Variants in CPM observed in about 807,000 individuals in gnomAD.
CPM encodes renal carboxypeptidase.
In CPM, 35 loss-of-function variants were observed where a neutral mutation model predicts 46.4. The ratio of observed to expected loss-of-function variants is 0.75; its 90% confidence interval spans 0.58 to 1.00. The LOEUF (loss-of-function observed/expected upper bound fraction) is 1.00. Ranked by LOEUF, CPM falls within the 50% of genes least tolerant of loss-of-function variation. CPM has a pLI of 0.00. For missense variants in CPM, 422 were observed against 530.4 expected (o/e 0.80, Z 2.01); for synonymous variants, 195 against 195.3 (o/e 1.00, Z 0.01).
rs769863979 is a variant in CPM, at chr12:68,869,278, C to T, written c.787+47G>A. 36 of 1,577,274 alleles carry T rather than the reference C, an allele frequency of 2.3e-5. 1 individual carries two copies. In the South Asian group the frequency reaches 4.0e-4, roughly 18 times the overall value. ...GATCAAAATAAACCAGCTGGCACTT[C>T]TGGGTGAAGGCAATAAGGAGAATGG... On this transcript the variant is annotated intron_variant, in intron 6 of 8. Coordinates refer to ENST00000551568, the MANE Select transcript of CPM (RefSeq NM_198320.5).
At chr12:68,902,018 C>A (rs1199621929) in intron 2 of CPM, among the ~76,000 whole-genome samples, 1 of 152,144 alleles carries the variant, frequency 6.6e-6, no homozygotes. Context: ...CAGGACCAAA[C>A]CTTTGTTGCT....
In CPM at chr12:68,844,691, C is replaced by A. The variant is rs752515895; in HGVS notation, c.534-2362G>T. ...TGGCTTTAAAGCAGGAGCTTGTGGGCCCCTAAGCCAGACGGGGACTAGCTT... is the reference window on the plus strand; with the variant it reads ...TGGCTTTAAAGCAGGAGCTTGTGGGACCCTAAGCCAGACGGGGACTAGCTT... On this transcript the variant is annotated intron_variant, in intron 5 of 5. Transcript: ENST00000551897. 20 of 222,566 alleles carry A rather than the reference C, an allele frequency of 9.0e-5. No homozygotes were observed. In the Middle Eastern group the frequency reaches 4.1e-3, roughly 46 times the overall value. 13.8% of individuals were successfully genotyped at this position (222,566 alleles called of 1,614,324 possible).
At chr12:68,910,758 A>G (rs1887562081) in intron 2 of CPM, among the ~76,000 whole-genome samples, 1 of 152,168 alleles carries the variant, frequency 6.6e-6, no homozygotes, top group South Asian at 2.1e-4. Flanking sequence ...TTTTACTATT[A>G]TAAGAAATGC....
At chr12:68,859,216 CTT>C in intron 7 of CPM, 145 bp from the exon 8 acceptor site, 1 of 434,140 alleles carries the variant, frequency 2.3e-6, no homozygotes, top group African/African-American at 2.0e-5. Context: ...AGGGAAAAAA[CTT>C]ATTTTTGATG....
chr12:68,898,018 ATT>A (rs34852745), intron 2 of CPM, among the ~76,000 whole-genome samples: 25 of 134,026 alleles, frequency 1.9e-4, no homozygotes, highest in East Asian at 2.2e-4. Flanking sequence ...TAATTTGTGT[ATT>A]TTTTTTTTTT....
intron 2 of CPM, 85 bp from the exon 3 acceptor site, chr12:68,885,974 G>A: frequency 1.8e-6 from 2 of 1,126,604 alleles, no homozygotes; most frequent in Non-Finnish European, 2.6e-6. Flanking sequence ...GAAACAGGAT[G>A]CTGCTTCCCC....
chr12:68,942,614 G>A (rs563068238), intron 1 of CPM, among the ~76,000 whole-genome samples: 1 of 152,146 alleles, frequency 6.6e-6, no homozygotes, highest in East Asian at 1.9e-4. Flanking sequence ...TGCTCCTAGG[G>A]AATACGACTG....
chr12:68,872,746 T>G (rs1024740496), intron 3 of CPM, among the ~76,000 whole-genome samples: 1 of 152,158 alleles, frequency 6.6e-6, no homozygotes. Flanking sequence ...AGATTTTTTT[T>G]TTTTTAAGAC....
intron 8 of CPM, among the ~76,000 whole-genome samples, chr12:68,856,978 C>A (rs1238613034): frequency 6.6e-6 from 1 of 152,122 alleles, no homozygotes; most frequent in African/African-American, 2.4e-5. Flanking sequence ...TGCCACCATC[C>A]TTTTCGTGGG....
At chr12:68,889,716 C>G (rs1157331130) in intron 2 of CPM, among the ~76,000 whole-genome samples, 2 of 152,234 alleles carry the variant, frequency 1.3e-5, no homozygotes, top group East Asian at 3.9e-4. Flanking sequence ...GTAATCCTAG[C>G]TACGCGGTAT....
intron 6 of CPM, 95 bp from the exon 7 acceptor site, chr12:68,867,143 T>G (rs1000255081): frequency 4.1e-6 from 5 of 1,217,092 alleles, no homozygotes; most frequent in Non-Finnish European, 6.0e-6. Context: ...GACAGCTACA[T>G]GTAAACAGGA....
chr12:68,842,933 G>A (rs867618108), intron 5 of CPM: 11 of 209,822 alleles, frequency 5.2e-5, no homozygotes, highest in African/African-American at 1.1e-4. Flanking sequence ...GATGAGAGCC[G>A]AATAAGGTTT....
chr12:68,851,909 T>A lies in CPM; in HGVS notation c.*4528A>T, dbSNP rs945068193. 6.6e-6 allele frequency: 1 copy of A among 152,234 alleles called. No homozygotes were observed. The highest frequency in any genetic ancestry group is 2.4e-5 in the African/African-American group (1 of 41,452). The allele number at this position is 152,234 out of a possible 1,614,324, so 9.4% of individuals were successfully genotyped here. A position where few individuals can be genotyped will look rare whatever the true frequency, so the allele number is the denominator to read the frequency against. On this transcript the variant is annotated 3_prime_UTR_variant, in exon 9 of 9. Transcript: ENST00000551568. Reference sequence around the variant, plus strand: ...AATATAAAGGATCTATCATAAAATATACATCAACTGTATTGTTACCATATA... The same window carrying A: ...AATATAAAGGATCTATCATAAAATAAACATCAACTGTATTGTTACCATATA...
chr12:68,935,873 C>T (rs1316161408), upstream of CPM, among the ~76,000 whole-genome samples: 3 of 152,060 alleles, frequency 2.0e-5, no homozygotes, highest in African/African-American at 7.2e-5. Flanking sequence ...AAGAGAAGTA[C>T]GTGGACACTA....
At chr12:68,842,554 A>T in intron 5 of CPM, 1 of 349,830 alleles carries the variant, frequency 2.9e-6, no homozygotes, top group Non-Finnish European at 5.6e-6. Flanking sequence ...TGGATGTTTG[A>T]TCGCATCTCA....
chr12:68,936,191 CAAACCTACTGAATCAG>C (rs1338467775), upstream of CPM, among the ~76,000 whole-genome samples: 13 of 152,044 alleles, frequency 8.6e-5, no homozygotes, highest in Non-Finnish European at 1.5e-5. Flanking sequence ...CACTCCACTC[CAAACCTACTGAATCAG>C]AACACACATT....
intron 2 of CPM, chr12:68,913,979 C>T (rs1887704176): frequency 2.8e-6 from 2 of 720,088 alleles, no homozygotes; most frequent in South Asian, 1.4e-5. Context: ...GATGCAGCTA[C>T]ACAGATATTA....
At chr12:68,953,230 G>A (rs1486199221) in intron 1 of CPM, among the ~76,000 whole-genome samples, 2 of 152,214 alleles carry the variant, frequency 1.3e-5, no homozygotes, top group Non-Finnish European at 2.9e-5. Context: ...GCCTCCTTCA[G>A]CAGGTATGTT....
chr12:68,945,855 T>TTTTTTTTTTTTTTTTTTTTTC (rs1888838769), intron 1 of CPM, among the ~76,000 whole-genome samples: 1 of 137,884 alleles, frequency 7.3e-6, no homozygotes. Context: ...TCTTTTTTTT[T>TTTTTTTTTTTTTTTTTTTTTC]TTTTTTTTTT....
Sources: gnomAD v4.1 joint callset for allele counts (sites outside exome capture counted in the v4.1 genomes callset) on GRCh38, gnomAD v4.1.1 for gene constraint, MANE v1.5 for transcripts, NCBI Gene and HGNC (gene_info 2026-07-23, HGNC 2026-07-21) for gene names.